The following CLVS1 variants were observed in gnomAD, a reference collection of about 807,000 sequenced individuals.
CLVS1 encodes the protein clavesin-1.
CLVS1 carries 10 observed loss-of-function variants against 33.1 expected under a neutral mutation model. The observed-to-expected ratio is 0.30, with a 90% confidence interval of 0.19 to 0.51. The LOEUF (loss-of-function observed/expected upper bound fraction) is 0.51. Among genes scored for constraint, CLVS1 ranks in the 20% least tolerant of loss-of-function variants. CLVS1 has a pLI of 0.97. For synonymous variants in CLVS1, 163 were observed against 166.1 expected, an observed-to-expected ratio of 0.98 and a Z score of 0.14; for missense variants, 343 against 433.4, an observed-to-expected ratio of 0.79 and a Z score of 1.85.
chr8:61,430,588 T>C (rs1816073540), intron 3 of CLVS1, among the ~76,000 whole-genome samples: 1 of 152,110 alleles, frequency 6.6e-6, no homozygotes, highest in South Asian at 2.1e-4. Flanking sequence ...GCGCCTTGCT[T>C]AGGATCAGAG....
chr8:61,283,669 C>A (rs1222410679), upstream of CLVS1, among the ~76,000 whole-genome samples: 2 of 152,154 alleles, frequency 1.3e-5, no homozygotes, highest in Non-Finnish European at 2.9e-5. Context: ...TTGCCCTATA[C>A]CTCATCTCCC....
intron 1 of CLVS1, among the ~76,000 whole-genome samples, chr8:61,068,207 ATATATATATATGTATGTATGTG>A (rs1249918840): frequency 2.0e-4 from 21 of 106,890 alleles, no homozygotes; most frequent in African/African-American, 1.0e-3. Flanking sequence ...ATGTATATAT[ATATATATATATGTATGTATGTG>A]TATATATATA....
chr8:61,202,870 G>A, intron 2 of CLVS1: 1 of 921,038 alleles, frequency 1.1e-6, no homozygotes, highest in Non-Finnish European at 1.7e-6. Context: ...TGATGATGAT[G>A]AAGATGATGA....
chr8:61,424,877 CA>C (rs1448642811), intron 3 of CLVS1, among the ~76,000 whole-genome samples: 1 of 152,128 alleles, frequency 6.6e-6, no homozygotes, highest in Non-Finnish European at 1.5e-5. Flanking sequence ...TTATGCAATG[CA>C]AATAAAATTA....
chr8:61,063,430 A>G (rs553019458), intron 1 of CLVS1, among the ~76,000 whole-genome samples: 1 of 152,270 alleles, frequency 6.6e-6, no homozygotes, highest in South Asian at 2.1e-4. Context: ...TGTTGAGAAT[A>G]GCATTACAGA....
chr8:61,455,081 T>C lies in CLVS1; in HGVS notation c.741+830T>C, dbSNP rs560122616. 2.0e-5 allele frequency among the ~76,000 whole-genome samples: 3 copies of C among 152,258 alleles called. No homozygotes were observed. In the East Asian group the frequency reaches 5.8e-4, roughly 29 times the overall value. Reference sequence around the variant, plus strand: ...TTGACAACTAAATATTGGATATATTTAAGGTGTTCAATGTGATGTTTTTAT... The same window carrying C: ...TTGACAACTAAATATTGGATATATTCAAGGTGTTCAATGTGATGTTTTTAT... On this transcript the variant is annotated intron_variant, in intron 4 of 5. Coordinates refer to ENST00000325897, the MANE Select transcript of CLVS1 (RefSeq NM_173519.3).
intron 2 of CLVS1, among the ~76,000 whole-genome samples, chr8:61,198,627 G>A (rs760382886): frequency 2.0e-5 from 3 of 152,096 alleles, no homozygotes; most frequent in Non-Finnish European, 4.4e-5. Flanking sequence ...TGATCCACCC[G>A]CCTCGGCCTC....
chr8:61,286,366 C>T (rs548015259), upstream of CLVS1, among the ~76,000 whole-genome samples: 26 of 152,296 alleles, frequency 1.7e-4, no homozygotes, highest in African/African-American at 5.5e-4. Context: ...ATATCTTAGC[C>T]CCTATGGAGC....
intron 5 of CLVS1, among the ~76,000 whole-genome samples, chr8:61,497,349 G>C (rs768412111): frequency 6.7e-6 from 1 of 149,742 alleles, no homozygotes; most frequent in Admixed American, 6.7e-5. Flanking sequence ...CACATGAACA[G>C]AACTTAATTC....
At chr8:61,077,633 G>A (rs1468547544) in intron 1 of CLVS1, among the ~76,000 whole-genome samples, 1 of 152,094 alleles carries the variant, frequency 6.6e-6, no homozygotes, top group African/African-American at 2.4e-5. Flanking sequence ...GCACTACTAT[G>A]CTTGGCTAAT....
the CLVS1 span, among the ~76,000 whole-genome samples, chr8:60,978,860 GA>G: frequency 7.6e-6 from 1 of 130,826 alleles, no homozygotes; most frequent in South Asian, 2.6e-4. Context: ...TACAGGGAAA[GA>G]AAGGAATAAA....
chr8:61,459,113 G>C (rs1817267435), intron 5 of CLVS1, among the ~76,000 whole-genome samples: 1 of 152,092 alleles, frequency 6.6e-6, no homozygotes, highest in Non-Finnish European at 1.5e-5. Context: ...AGCAATCCAA[G>C]CAGAGTGGAC....
rs139179445 is a variant in CLVS1 at position 61,239,280 on chromosome 8, C to T, written c.-151-60397C>T. Among the ~76,000 whole-genome samples the T allele has an allele frequency of 2.3e-3, 354 of 152,280 alleles. 1 individual carries two copies. Among genetic ancestry groups the T allele is most frequent in the African/African-American group, 8.2e-3 (341 of 41,538 alleles). On this transcript the variant is annotated intron_variant, in intron 2 of 2. Coordinates refer to the CLVS1 transcript ENST00000522621. Reference sequence around the variant, plus strand: ...GTAGAATCTATACAACTGGACATATCAACCCTGCAGAGACATTGCTTAACG... The same window carrying T: ...GTAGAATCTATACAACTGGACATATTAACCCTGCAGAGACATTGCTTAACG...
intron 2 of CLVS1, among the ~76,000 whole-genome samples, chr8:61,165,070 C>A (rs1470384188): frequency 1.3e-5 from 2 of 152,332 alleles, no homozygotes; most frequent in Non-Finnish European, 2.9e-5. Context: ...AACTGTGGAA[C>A]CCAGTGACTA....
intron 2 of CLVS1, among the ~76,000 whole-genome samples, chr8:61,206,398 T>C (rs1405029345): frequency 1.3e-5 from 2 of 152,112 alleles, no homozygotes; most frequent in East Asian, 1.9e-4. Flanking sequence ...TGACTAAAAG[T>C]ACAGGGATAT....
chr8:61,387,466 CTT>C (rs372983692), intron 3 of CLVS1, among the ~76,000 whole-genome samples: 3 of 109,302 alleles, frequency 2.7e-5, no homozygotes, highest in Admixed American at 1.1e-4. Context: ...TGTACAGTTC[CTT>C]TTTTTTTTTT....
At chr8:61,423,574 A>G (rs1367412545) in intron 3 of CLVS1, among the ~76,000 whole-genome samples, 2 of 152,216 alleles carry the variant, frequency 1.3e-5, no homozygotes, top group African/African-American at 4.8e-5. Flanking sequence ...ACGTTTATTC[A>G]GTAAGAGAAT....
At chr8:61,254,092 G>T (rs557600866) in intron 2 of CLVS1, among the ~76,000 whole-genome samples, 122 of 152,272 alleles carry the variant, frequency 8.0e-4, no homozygotes, top group African/African-American at 2.7e-3. Flanking sequence ...GTACAGATGG[G>T]ATTTTGGTGT....
chr8:61,031,263 G>T, the CLVS1 span, among the ~76,000 whole-genome samples: 1 of 152,308 alleles, frequency 6.6e-6, no homozygotes. Flanking sequence ...ACACACACCT[G>T]CTCTGCCACC....
Sources: gnomAD v4.1 joint callset for allele counts (sites outside exome capture counted in the v4.1 genomes callset) on GRCh38, gnomAD v4.1.1 for gene constraint, MANE v1.5 for transcripts, NCBI Gene and HGNC (gene_info 2026-07-23, HGNC 2026-07-21) for gene names.